The following TDP1 variants were observed in gnomAD, a reference collection of about 807,000 sequenced individuals.
TDP1 encodes tyr-DNA phosphodiesterase 1.
In TDP1, 64 loss-of-function variants were observed where a neutral mutation model predicts 81.5. The observed-to-expected ratio is 0.79, with a 90% CI of 0.64 to 0.97. The LOEUF is 0.97. TDP1 is among the 50% of genes least tolerant of loss of function. TDP1 has a pLI of 0.00. For missense variants in TDP1, 723 were observed against 743.8 expected (o/e 0.97, Z 0.33); for synonymous variants, 256 against 264.3 (o/e 0.97, Z 0.30).
At chr14:89,973,043 G>C (rs1000998905) in intron 6 of TDP1, among the ~76,000 whole-genome samples, 16 of 150,836 alleles carry the variant, frequency 1.1e-4, no homozygotes, top group Admixed American at 1.0e-3. Flanking sequence ...GATTAATACA[G>C]TACAAGAGCT....
chr14:89,971,144 T>TTA, intron 5 of TDP1, 31 bp from the exon 6 acceptor site: 1 of 1,581,278 alleles, frequency 6.3e-7, no homozygotes, highest in Non-Finnish European at 8.7e-7. Flanking sequence ...CCATGAATGA[T>TTA]GTATATTAAA....
chr14:90,044,310 G>A lies in TDP1; in HGVS notation c.*1167G>A, dbSNP rs1312183149. 3 of 152,206 alleles carry A rather than the reference G, an allele frequency of 2.0e-5. No homozygotes were observed. Among genetic ancestry groups the A allele is most frequent in the Non-Finnish European group, 4.4e-5 (3 of 68,044 alleles). 9.4% of individuals were successfully genotyped at this position (152,206 alleles called of 1,614,324 possible). On this transcript the variant is annotated 3_prime_UTR_variant, in exon 17 of 17. Transcript: ENST00000335725. ...CAAGTGAGGAAGCTAAGGCCTAGAA[G>A]GTTAAGGATGTCCCCAGGGTCACAC...
At chr14:89,991,652 A>C in intron 12 of TDP1, 1 of 984,964 alleles carries the variant, frequency 1.0e-6, no homozygotes, top group Non-Finnish European at 1.2e-6. Flanking sequence ...TTCGTAAAGT[A>C]TATGATCATC....
At chr14:89,956,513 C>T (rs1177808823) in intron 1 of TDP1, 65 bp from the exon 2 acceptor site, 1 of 152,482 alleles carries the variant, frequency 6.6e-6, no homozygotes, top group Non-Finnish European at 1.5e-5. Context: ...TCTGAATCTG[C>T]TCCGTCCCCA....
chr14:90,001,715 T>C (rs1241531819), intron 14 of TDP1, among the ~76,000 whole-genome samples: 1 of 152,236 alleles, frequency 6.6e-6, no homozygotes, highest in East Asian at 1.9e-4. Context: ...TAACTATACT[T>C]TTCTTTCAAC....
rs539198642 is a variant in TDP1 at position 90,029,194 on chromosome 14, ATTT to A, written c.1645-3893_1645-3891del. 7.3e-3 allele frequency among the ~76,000 whole-genome samples: 846 copies of A among 116,170 alleles called. 10 individuals are homozygous for A. Among genetic ancestry groups the A allele is most frequent in the African/African-American group, 0.025 (791 of 31,506 alleles). 76.2% of individuals were successfully genotyped at this position (116,170 alleles called of 152,430 possible). Reference sequence around the variant, plus strand: ...CGGTTTGATTTCCAGCCCTGCCATTATTTTTTTTTTTTTTTTTTTTTGAGACAG... The same window carrying A: ...CGGTTTGATTTCCAGCCCTGCCATTATTTTTTTTTTTTTTTTTTGAGACAG... On this transcript the variant is annotated intron_variant, in intron 15 of 16. Coordinates refer to ENST00000335725, the MANE Select transcript of TDP1 (RefSeq NM_018319.4).
At chr14:89,983,565 G>C (rs978813554) in intron 8 of TDP1, among the ~76,000 whole-genome samples, 7 of 152,196 alleles carry the variant, frequency 4.6e-5, no homozygotes, top group Non-Finnish European at 1.0e-4. Flanking sequence ...GTGGGGAAAA[G>C]GAGAGTAGCC....
At chr14:89,961,326 T>C (rs1283438305) in intron 2 of TDP1, among the ~76,000 whole-genome samples, 7 of 152,176 alleles carry the variant, frequency 4.6e-5, no homozygotes, top group African/African-American at 7.2e-5. Context: ...CAATGACAGC[T>C]GCAGTCATGG....
chr14:90,007,592 G>A (rs1001580987), intron 14 of TDP1, among the ~76,000 whole-genome samples: 2 of 152,044 alleles, frequency 1.3e-5, no homozygotes, highest in African/African-American at 2.4e-5. Flanking sequence ...CTGTCTCGGG[G>A]CGGGAAACTG....
intron 8 of TDP1, among the ~76,000 whole-genome samples, chr14:89,983,956 A>C (rs568825874): frequency 4.6e-4 from 70 of 152,388 alleles, no homozygotes; most frequent in Middle Eastern, 3.4e-3. Context: ...AGTATAAGAC[A>C]TAAAAATATG....
intron 10 of TDP1, 38 bp from the exon 11 acceptor site, chr14:89,988,867 T>C (rs1895858479): frequency 1.9e-6 from 3 of 1,613,698 alleles, no homozygotes; most frequent in African/African-American, 2.7e-5. Context: ...GTTAAGATTA[T>C]TTGAGTCACT....
intron 7 of TDP1, among the ~76,000 whole-genome samples, chr14:89,977,442 C>T (rs35434877): frequency 0.095 from 14,490 of 152,004 alleles, 1,778 homozygotes; most frequent in African/African-American, 0.29. Context: ...GGACTACAGG[C>T]GTGTGCCACC....
chr14:89,985,126 T>G lies in TDP1; in HGVS notation c.1053-6T>G, dbSNP rs1195575952. 1 of 1,605,308 alleles carries G rather than the reference T, an allele frequency of 6.2e-7. No homozygotes were observed. The highest frequency in any genetic ancestry group is 8.5e-7 in the Non-Finnish European group (1 of 1,173,622). ...TTTTATAACTTGTGTTTTTATGTCT[T>G]TTTAGTGTTTATCTTATTGGTTCAA... is the stretch of plus-strand genomic sequence containing the variant. On this transcript the variant is annotated splice_polypyrimidine_tract_variant and splice_region_variant and intron_variant, in intron 9 of 16. Transcript: ENST00000335725.
At chr14:90,042,600 G>A (rs914631114) in intron 16 of TDP1, among the ~76,000 whole-genome samples, 1 of 152,204 alleles carries the variant, frequency 6.6e-6, no homozygotes, top group African/African-American at 2.4e-5. Context: ...TGGCTGTGGA[G>A]TCCTCACAAT....
Position 90,021,029 on chromosome 14 carries a change from C to T in TDP1, c.1644+1611C>T, listed in dbSNP as rs142946818. 2.8e-3 allele frequency among the ~76,000 whole-genome samples: 418 copies of T among 151,950 alleles called. 2 individuals are homozygous for T. Among genetic ancestry groups the T allele is most frequent in the Non-Finnish European group, 5.0e-3 (338 of 67,974 alleles). On this transcript the variant is annotated intron_variant, in intron 15 of 16. Transcript: ENST00000335725. The stretch of plus-strand genomic sequence containing the variant: ...CAAGTCTCCAACTCCTGGCCTCAAG[C>T]GATCTGCCTGCCTCAGCCTCCCAAA...
rs779138463 is a variant in TDP1 at position 90,044,517 on chromosome 14, T to C, written c.*1374T>C. ...AGTCTTGAAAGATTTTCTAAAGTAG[T>C]CTTTCAAACTGTTCCTCAGAGGCCT... On this transcript the variant is annotated 3_prime_UTR_variant, in exon 17 of 17. Coordinates refer to ENST00000335725, the MANE Select transcript of TDP1 (RefSeq NM_018319.4). 2 of 152,174 alleles carry C rather than the reference T, an allele frequency of 1.3e-5. No individual in the cohort carries two copies. Among genetic ancestry groups the C allele is most frequent in the Non-Finnish European group, 2.9e-5 (2 of 68,050 alleles). 9.4% of individuals were successfully genotyped at this position (152,174 alleles called of 1,614,324 possible). A position where few individuals can be genotyped will look rare whatever the true frequency, so the allele number is the denominator to read the frequency against.
rs1888537790 is a variant in TDP1 at position 90,043,215 on chromosome 14, G to A, written c.*72G>A. The A allele has an allele frequency of 2.5e-6, 4 of 1,588,022 alleles. No homozygotes were observed. Among genetic ancestry groups the A allele is most frequent in the Non-Finnish European group, 2.6e-6 (3 of 1,158,572 alleles). On this transcript the variant is annotated 3_prime_UTR_variant, in exon 17 of 17. Transcript: ENST00000335725. Reference sequence around the variant, plus strand: ...AACATGGAATCTCTTCTTTGTACTGGATGTCCACTTCCCTTAAAGTCTTAT... The same window carrying A: ...AACATGGAATCTCTTCTTTGTACTGAATGTCCACTTCCCTTAAAGTCTTAT...
chr14:90,016,940 C>T (rs539161845), intron 14 of TDP1, among the ~76,000 whole-genome samples: 23 of 152,182 alleles, frequency 1.5e-4, no homozygotes, highest in Admixed American at 7.9e-4. Context: ...TGAAGCATCA[C>T]TCGGTATCCA....
chr14:89,980,717 T>A (rs1894880988), intron 8 of TDP1, 85 bp downstream of exon 8: 3 of 868,208 alleles, frequency 3.5e-6, no homozygotes, highest in Non-Finnish European at 5.2e-6. Context: ...CTTTTTTCTA[T>A]TTTTTTTTTA....
Sources: allele counts gnomAD v4.1 joint callset (sites outside exome capture counted in the v4.1 genomes callset), GRCh38; gene constraint gnomAD v4.1.1; transcripts MANE v1.5; gene names NCBI Gene and HGNC (gene_info 2026-07-23, HGNC 2026-07-21).